TMEM63A: variants seen among roughly 807,000 people sequenced by gnomAD.
TMEM63A encodes the protein mechanosensitive cation channel TMEM63A.
Under a neutral mutation model 100.6 loss-of-function variants are expected in TMEM63A, and 76 were observed. The ratio of observed to expected loss-of-function variants is 0.76; its 90% confidence interval spans 0.63 to 0.91. TMEM63A has a LOEUF of 0.91. TMEM63A is among the 40% of genes least tolerant of loss of function. The probability of loss-of-function intolerance (pLI) is 0.00; values close to 1 mark genes in which losing one functional copy is unlikely to be tolerated. For missense variants in TMEM63A, 876 were observed against 1,008.8 expected (o/e 0.87, Z 1.78); for synonymous variants, 401 against 401.1 (o/e 1.00, Z 0.00).
intron 22 of TMEM63A, 89 bp from the exon 23 acceptor site, chr1:225,848,643 G>GA (rs1175461917): frequency 7.3e-7 from 1 of 1,378,422 alleles, no homozygotes; most frequent in Non-Finnish European, 1.0e-6. Context: ...TTAACACCCG[G>GA]AATAATAGTA....
At chr1:225,878,877 TACCTACCTACAC>T (rs149150228) in intron 2 of TMEM63A, among the ~76,000 whole-genome samples, 5,882 of 116,964 alleles carry the variant, frequency 0.05, 156 homozygotes, top group Middle Eastern at 0.077. Flanking sequence ...CCTACCTACC[TACCTACCTACAC>T]ACACACACAC....
At chr1:225,845,355 C>A, downstream of TMEM63A, 2 of 1,589,832 alleles carry the variant, frequency 1.3e-6, no homozygotes, top group Non-Finnish European at 1.7e-6. Context: ...TGACCCACCC[C>A]TCTCCCCCCG....
At chr1:225,861,021 C>A (rs1404432594) in intron 13 of TMEM63A, 24 bp from the exon 14 acceptor site, 1 of 1,589,456 alleles carries the variant, frequency 6.3e-7, no homozygotes, top group Non-Finnish European at 8.6e-7. Flanking sequence ...TAGCAACAGC[C>A]AGGCCCAGGC....
Position 225,866,619 on chromosome 1 carries a change from G to A in TMEM63A, c.630C>T (p.Phe210=). Residue 210 remains phenylalanine, a synonymous_variant, in exon 9 of 25, where the codon TTC becomes TTT. Transcript: ENST00000366835. The part of the protein sequence containing the change: ...AVIYLFLTVG[F]MRHHTQSIKY... ...TAATGGACTGAGTGTGGTGCCGCAT[G>A]AAACCCACAGTGAGGAAGAGGTAAA... is the stretch of plus-strand genomic sequence containing the variant. The A allele has an allele frequency of 6.2e-7, 1 of 1,614,118 alleles. No individual in the cohort carries two copies. The highest frequency in any genetic ancestry group is 8.5e-7 in the Non-Finnish European group (1 of 1,180,004).
chr1:225,859,727 C>T, intron 14 of TMEM63A: 1 of 201,304 alleles, frequency 5.0e-6, no homozygotes. Flanking sequence ...CTCACTGCAA[C>T]CTCTGCCTCC....
chr1:225,842,607 C>T (rs1344910086), downstream of TMEM63A: 9 of 777,372 alleles, frequency 1.2e-5, no homozygotes, highest in Non-Finnish European at 2.0e-5. Flanking sequence ...CTTACAAATC[C>T]TCACCCTGTG....
Position 225,846,273 on chromosome 1 carries a change from TGAAGAGGTGAGAGAGGCTG to T in TMEM63A, c.*647_*665del, listed in dbSNP as rs1448182732. 1 of 152,604 alleles carries T rather than the reference TGAAGAGGTGAGAGAGGCTG, an allele frequency of 6.6e-6. No individual in the cohort carries two copies. The highest frequency in any genetic ancestry group is 1.5e-5 in the Non-Finnish European group (1 of 68,354). 9.5% of individuals were successfully genotyped at this position (152,604 alleles called of 1,614,324 possible). On this transcript the variant is annotated 3_prime_UTR_variant, in exon 25 of 25. Coordinates refer to ENST00000366835, the MANE Select transcript of TMEM63A (RefSeq NM_014698.3). ...AGGTGCAGACTCATGCACTCAGCCCTGAAGAGGTGAGAGAGGCTGGATCTTAACTGTGGTCCAATGGGCA... is the reference window on the plus strand; with the variant it reads ...AGGTGCAGACTCATGCACTCAGCCCTGATCTTAACTGTGGTCCAATGGGCA...
Position 225,867,105 on chromosome 1 carries a change from T to A in TMEM63A, c.566+7A>T. 1 of 1,614,118 alleles carries A rather than the reference T, an allele frequency of 6.2e-7. No homozygotes were observed. ...TCAGCACCTATCCCCACGGGCTCCA[T>A]ACTCACTCAGTCTGTAGGTTTGCTA... On this transcript the variant is annotated splice_region_variant and intron_variant, in intron 8 of 24. Transcript: ENST00000366835. The surrounding 1 kb of genome is among the most constrained non-coding windows in gnomAD (Gnocchi z 4.6).
At chr1:225,849,882 G>C (rs1320506858) in intron 21 of TMEM63A, 30 bp downstream of exon 21, 1 of 1,609,426 alleles carries the variant, frequency 6.2e-7, no homozygotes, top group South Asian at 1.1e-5. Context: ...GGAGGCCAAG[G>C]GCTGGCCCCA....
intron 10 of TMEM63A, chr1:225,864,723 G>T (rs1293298693): frequency 1.3e-5 from 2 of 152,234 alleles, no homozygotes; most frequent in Non-Finnish European, 2.9e-5. Flanking sequence ...TTACGATCCT[G>T]TCTAGCAATT....
At chr1:225,844,838 C>T (rs1668799067), downstream of TMEM63A, among the ~76,000 whole-genome samples, 1 of 152,172 alleles carries the variant, frequency 6.6e-6, no homozygotes, top group African/African-American at 2.4e-5. Context: ...GCCCTCAGTA[C>T]CGCTCCCCAG....
chr1:225,850,886 T>C (rs1421818520), intron 20 of TMEM63A, among the ~76,000 whole-genome samples: 1 of 152,118 alleles, frequency 6.6e-6, no homozygotes, highest in African/African-American at 2.4e-5. Context: ...TAATTTTTTA[T>C]ATTTTTAGTA....
downstream of TMEM63A, chr1:225,840,834 C>T: frequency 6.6e-6 from 1 of 152,254 alleles, no homozygotes; most frequent in East Asian, 1.9e-4. Flanking sequence ...TCTCAAAGTT[C>T]TTCATAGTTT....
rs1323209808 is a variant in TMEM63A at position 225,867,279 on chromosome 1, G to C, written c.515-116C>G. 6 of 1,040,444 alleles carry C rather than the reference G, an allele frequency of 5.8e-6. No homozygotes were observed. The highest frequency in any genetic ancestry group is 1.3e-5 in the South Asian group (1 of 78,568). 64.5% of individuals were successfully genotyped at this position (1,040,444 alleles called of 1,614,324 possible). A position where few individuals can be genotyped will look rare whatever the true frequency, so the allele number is the denominator to read the frequency against. ...GAGGAGGAGCATGTCTGGACCAGCA[G>C]GAAGACAACGTCTGACTGGTCTTTC... On this transcript the variant is annotated intron_variant, in intron 7 of 24. Coordinates refer to ENST00000366835, the MANE Select transcript of TMEM63A (RefSeq NM_014698.3). This position sits in a 1 kb window ranked among gnomAD's most constrained non-coding sequence, Gnocchi z 4.6.
chr1:225,873,681 C>T (rs562544614), intron 4 of TMEM63A, among the ~76,000 whole-genome samples: 93 of 152,290 alleles, frequency 6.1e-4, no homozygotes, highest in South Asian at 1.5e-3. Flanking sequence ...GAAGCCTGGC[C>T]GAGGGAGCCT....
rs1668950043 is a variant in TMEM63A at position 225,845,934 on chromosome 1, A to G, written c.*1005T>C. 5.9e-6 allele frequency: 1 copy of G among 169,480 alleles called. No homozygotes were observed. Among genetic ancestry groups the G allele is most frequent in the Admixed American group, 5.5e-5 (1 of 18,154 alleles). 10.5% of individuals were successfully genotyped at this position (169,480 alleles called of 1,614,324 possible). ...CCTGGACCTGCTCTTCCACACCCCC[A>G]TCCCGCCCCTACTGCACAGGCTTGT... is the stretch of plus-strand genomic sequence containing the variant. On this transcript the variant is annotated 3_prime_UTR_variant, in exon 25 of 25. Coordinates refer to ENST00000366835, the MANE Select transcript of TMEM63A (RefSeq NM_014698.3).
chr1:225,855,928 G>GA lies in TMEM63A; in HGVS notation c.1583dup (p.Phe529LeufsTer6), dbSNP rs751451100. 72 of 1,613,928 alleles carry GA rather than the reference G, an allele frequency of 4.5e-5. No homozygotes were observed. The highest frequency in any genetic ancestry group is 5.4e-5 in the Non-Finnish European group (64 of 1,179,982). ...AAGTTTTGTCAAAGAGCCACCGGAAGAAAAAATCTAGACTGAAAAACAAAG... is the reference window on the plus strand; with the variant it reads ...AAGTTTTGTCAAAGAGCCACCGGAAGAAAAAAATCTAGACTGAAAAACAAAG... On this transcript the variant is annotated frameshift_variant, in exon 18 of 25. Transcript: ENST00000366835. LOFTEE classifies it high-confidence loss of function.
intron 6 of TMEM63A, among the ~76,000 whole-genome samples, chr1:225,868,402 G>A (rs376461787): frequency 1.3e-5 from 2 of 152,010 alleles, no homozygotes; most frequent in African/African-American, 2.4e-5. Context: ...AGGGCTGGGC[G>A]CAGTGGCTCA....
At position 225,862,499 on chromosome 1, in the gene TMEM63A, G is replaced by A. The variant is rs766612215; in HGVS notation, c.907C>T (p.Pro303Ser). 3 of 1,614,164 alleles carry A rather than the reference G, an allele frequency of 1.9e-6. No homozygotes were observed. In the East Asian group the frequency reaches 6.7e-5, roughly 36 times the overall value. Residue 303 changes from proline (P) to serine (S), a missense_variant, in exon 12 of 25, where the codon CCC (proline) becomes TCC (serine). Transcript: ENST00000366835. The surrounding 1 kb of genome is among the most constrained non-coding windows in gnomAD (Gnocchi z 5.1). ...TCACAGCAGCAAAACTGGCCACAGG[G>A]CTTGGGGTTGATGAGGGTCCGCTGG... Reference protein sequence around the residue: ...TGQRTLINPKPCGQFCCCEVL... With the variant: ...TGQRTLINPKSCGQFCCCEVL...
Sources: allele counts gnomAD v4.1 joint callset (sites outside exome capture counted in the v4.1 genomes callset), GRCh38; gene constraint gnomAD v4.1.1; non-coding constraint Gnocchi (gnomAD v3.1); transcripts MANE v1.5; gene names NCBI Gene and HGNC (gene_info 2026-07-23, HGNC 2026-07-21).